The following MRM3 variants were observed in gnomAD, a reference collection of about 807,000 sequenced individuals.
MRM3 encodes the protein mitochondrial rRNA methyltransferase 3, also known as rRNA methyltransferase 3, mitochondrial.
Under a neutral mutation model 29.4 loss-of-function variants are expected in MRM3, and 26 were observed. The ratio of observed to expected loss-of-function variants is 0.89; its 90% CI spans 0.65 to 1.23. MRM3 has a LOEUF of 1.23. Among genes scored for constraint, MRM3 ranks in the 50% most tolerant of loss-of-function variants. MRM3 has a pLI of 0.00. For missense variants in MRM3, 578 were observed against 540.2 expected (o/e 1.07, Z -0.69); for synonymous variants, 225 against 219.0 (o/e 1.03, Z -0.24).
intron 2 of MRM3, among the ~76,000 whole-genome samples, chr17:784,262 G>T (rs1910430584): frequency 6.6e-6 from 1 of 152,328 alleles, no homozygotes; most frequent in African/African-American, 2.4e-5. Context: ...ACCATCTCTT[G>T]TCTCTGTAAC....
intron 3 of MRM3, 88 bp from the exon 4 acceptor site, chr17:791,446 C>T (rs1910813747): frequency 1.5e-6 from 2 of 1,373,746 alleles, no homozygotes; most frequent in East Asian, 2.4e-5. Context: ...TGGTTTATCT[C>T]CTGATCCAAA....
At chr17:785,522 T>C (rs1277395425) in intron 2 of MRM3, among the ~76,000 whole-genome samples, 1 of 152,214 alleles carries the variant, frequency 6.6e-6, no homozygotes, top group Non-Finnish European at 1.5e-5. Context: ...AGACCCCATT[T>C]TACTCCTTTG....
At position 789,338 on chromosome 17, in the gene MRM3, T is replaced by C. The variant is rs1167626432; in HGVS notation, c.727+1206T>C. On this transcript the variant is annotated intron_variant, in intron 3 of 3. Transcript: ENST00000304478. ...GAATGACGTCAGCAGCTCTGAATCC[T>C]AATGTCATTGTGATCCGTTTCCCTT... Among the ~76,000 whole-genome samples, 3 of 152,232 alleles carry C rather than the reference T, an allele frequency of 2.0e-5. No individual in the cohort carries two copies. In the East Asian group the frequency reaches 5.8e-4, roughly 29 times the overall value.
chr17:786,423 G>A (rs954925888), intron 2 of MRM3, among the ~76,000 whole-genome samples: 1 of 152,120 alleles, frequency 6.6e-6, no homozygotes, highest in African/African-American at 2.4e-5. Flanking sequence ...ACAGGCGCCC[G>A]TCACCACGCC....
At position 791,524 on chromosome 17, in the gene MRM3, T is replaced by C. The variant is rs529368042; in HGVS notation, c.728-10T>C. On this transcript the variant is annotated splice_polypyrimidine_tract_variant and intron_variant, in intron 3 of 3. Coordinates refer to ENST00000304478, the MANE Select transcript of MRM3 (RefSeq NM_018146.4). ...TGTAACATCTTGATTGTTTCCTTTT[T>C]ATTTTCCAGGCTGTGTGGATGCCTG... 1 of 1,608,772 alleles carries C rather than the reference T, an allele frequency of 6.2e-7. No individual in the cohort carries two copies. Among genetic ancestry groups the C allele is most frequent in the African/African-American group, 1.3e-5 (1 of 74,762 alleles).
rs200396566 is a variant in MRM3, at chr17:791,727, G to T, written c.921G>T (p.Trp307Cys). The change falls in exon 4 of 4, where the codon TGG (tryptophan) becomes TGT (cysteine). Residue 307 changes from tryptophan (W) to cysteine (C), a missense_variant. Trp to Cys is a radical substitution (Grantham distance 215). Coordinates refer to ENST00000304478, the MANE Select transcript of MRM3 (RefSeq NM_018146.4). ...EMSNKASDHG[W>C]VCDQRVMKFH... ...CTAATAAAGCTAGTGACCATGGCTG[G>T]GTGTGTGATCAACGAGTGATGAAGT... is the stretch of plus-strand genomic sequence containing the variant. 107 of 1,614,090 alleles carry T rather than the reference G, an allele frequency of 6.6e-5. No homozygotes were observed. Among genetic ancestry groups the T allele is most frequent in the Non-Finnish European group, 8.5e-5 (100 of 1,180,050 alleles).
At position 788,035 on chromosome 17, in the gene MRM3, A is replaced by C; in HGVS notation, c.630A>C (p.Leu210Phe). 1 of 1,614,170 alleles carries C rather than the reference A, an allele frequency of 6.2e-7. No homozygotes were observed. Among genetic ancestry groups the C allele is most frequent in the Non-Finnish European group, 8.5e-7 (1 of 1,180,008 alleles). The change falls in exon 3 of 4, where the codon TTA becomes TTC. Residue 210 changes from leucine (L) to phenylalanine (F), a missense_variant. Leu to Phe is a conservative substitution (Grantham distance 22). Transcript: ENST00000304478. ...PKTQLQHSLPLLLICDNLRDP... is the reference protein window; with the variant it reads ...PKTQLQHSLPFLLICDNLRDP... ...CTCAGCTTCAGCATTCACTGCCTTT[A>C]TTATTGATTTGTGACAATCTCCGTG... is the stretch of plus-strand genomic sequence containing the variant.
intron 2 of MRM3, among the ~76,000 whole-genome samples, chr17:786,094 GGTTTT>G (rs896960823): frequency 4.6e-5 from 7 of 152,250 alleles, no homozygotes; most frequent in South Asian, 2.1e-4. Flanking sequence ...CTGGAAAACA[GGTTTT>G]GTTTTGTTTT....
Position 792,357 on chromosome 17 carries a change from A to G in MRM3, c.*288A>G. 1 of 323,188 alleles carries G rather than the reference A, an allele frequency of 3.1e-6. No individual in the cohort carries two copies. Among genetic ancestry groups the G allele is most frequent in the Non-Finnish European group, 5.7e-6 (1 of 175,418 alleles). 20.0% of individuals were successfully genotyped at this position (323,188 alleles called of 1,614,324 possible). Reference sequence around the variant, plus strand: ...CACCAAGAAGCACTTTGTGCCCAGAAAGTTCCTGAAGCATCATCCTGGCAG... The same window carrying G: ...CACCAAGAAGCACTTTGTGCCCAGAGAGTTCCTGAAGCATCATCCTGGCAG... On this transcript the variant is annotated 3_prime_UTR_variant, in exon 4 of 4. Coordinates refer to ENST00000304478, the MANE Select transcript of MRM3 (RefSeq NM_018146.4).
intron 1 of MRM3, 57 bp from the exon 2 acceptor site, chr17:783,026 T>G (rs538886061): frequency 5.8e-6 from 9 of 1,554,010 alleles, no homozygotes; most frequent in Non-Finnish European, 7.8e-6. Context: ...ACTAAGCGTG[T>G]CTCAGTAACA....
chr17:791,478 G>T, intron 3 of MRM3, 56 bp from the exon 4 acceptor site: 1 of 1,552,164 alleles, frequency 6.4e-7, no homozygotes, highest in Non-Finnish European at 8.7e-7. Flanking sequence ...TTACTCCACA[G>T]TCCCCTGGTC....
At chr17:783,600 G>C in intron 2 of MRM3, 1 of 310,232 alleles carries the variant, frequency 3.2e-6, no homozygotes, top group Non-Finnish European at 6.3e-6. Context: ...GCCTCCCAAA[G>C]TGCTGGGATT....
In MRM3 at chr17:792,163, C is replaced by T; in HGVS notation, c.*94C>T. On this transcript the variant is annotated 3_prime_UTR_variant, in exon 4 of 4. Coordinates refer to ENST00000304478, the MANE Select transcript of MRM3 (RefSeq NM_018146.4). ...TGGCGGAGTCAGTGACTATGGCCCC[C>T]ACGTTCAGGAGGAAGGTGTGATGCC... 7.8e-7 allele frequency: 1 copy of T among 1,278,874 alleles called. No individual in the cohort carries two copies. The highest frequency in any genetic ancestry group is 1.1e-6 in the Non-Finnish European group (1 of 924,618). 79.2% of individuals were successfully genotyped at this position (1,278,874 alleles called of 1,614,324 possible).
chr17:792,383 G>T lies in MRM3; in HGVS notation c.*314G>T. ...AGTTCCTGAAGCATCATCCTGGCAG[G>T]GAGGCGCCTGCTCCACCAGCTGGTG... On this transcript the variant is annotated 3_prime_UTR_variant, in exon 4 of 4. Coordinates refer to ENST00000304478, the MANE Select transcript of MRM3 (RefSeq NM_018146.4). 1 of 287,170 alleles carries T rather than the reference G, an allele frequency of 3.5e-6. No individual in the cohort carries two copies. Among genetic ancestry groups the T allele is most frequent in the Non-Finnish European group, 6.5e-6 (1 of 153,002 alleles). 17.8% of individuals were successfully genotyped at this position (287,170 alleles called of 1,614,324 possible). A position where few individuals can be genotyped will look rare whatever the true frequency, so the allele number is the denominator to read the frequency against.
rs1408484428 is a variant in MRM3 at position 788,040 on chromosome 17, T to G, written c.635T>G (p.Leu212Trp). The G allele has an allele frequency of 6.2e-7, 1 of 1,614,064 alleles. No homozygotes were observed. The highest frequency in any genetic ancestry group is 8.5e-7 in the Non-Finnish European group (1 of 1,180,014). The change falls in exon 3 of 4, where the codon TTG becomes TGG. Residue 212 changes from leucine (L) to tryptophan (W), a missense_variant. By Grantham distance (61) the Leu-to-Trp change is moderately conservative. Coordinates refer to ENST00000304478, the MANE Select transcript of MRM3 (RefSeq NM_018146.4). ...TQLQHSLPLL[L>W]ICDNLRDPGN... ...CTTCAGCATTCACTGCCTTTATTATTGATTTGTGACAATCTCCGTGACCCT... is the reference window on the plus strand; with the variant it reads ...CTTCAGCATTCACTGCCTTTATTATGGATTTGTGACAATCTCCGTGACCCT...
chr17:783,068 T>C lies in MRM3; in HGVS notation c.315-15T>C. 6.4e-7 allele frequency: 1 copy of C among 1,560,480 alleles called. No individual in the cohort carries two copies. The highest frequency in any genetic ancestry group is 8.7e-7 in the Non-Finnish European group (1 of 1,153,236). On this transcript the variant is annotated splice_polypyrimidine_tract_variant and intron_variant, in intron 1 of 3. Coordinates refer to ENST00000304478, the MANE Select transcript of MRM3 (RefSeq NM_018146.4). ...TTGATAGTTACCTGTTTTTTTTTTTTATTTCCATCTACAGCAGTGTAATGA... is the reference window on the plus strand; with the variant it reads ...TTGATAGTTACCTGTTTTTTTTTTTCATTTCCATCTACAGCAGTGTAATGA...
At chr17:791,084 T>C (rs998689851) in intron 3 of MRM3, among the ~76,000 whole-genome samples, 5 of 152,202 alleles carry the variant, frequency 3.3e-5, no homozygotes, top group Non-Finnish European at 4.4e-5. Flanking sequence ...CCTAGCTCTG[T>C]CCTCTGCCTG....
intron 2 of MRM3, among the ~76,000 whole-genome samples, chr17:785,829 A>C (rs564628399): frequency 1.3e-5 from 2 of 152,360 alleles, no homozygotes; most frequent in African/African-American, 4.8e-5. Flanking sequence ...CAGGCTAATA[A>C]TTGTTTTTTA....
chr17:783,399 C>G lies in MRM3; in HGVS notation c.559+72C>G, dbSNP rs1333364698. ...TCACCCAGGCTGGAGTGCAATGGCG[C>G]GATCTCGGCCCACTGCAACCTCCGC... On this transcript the variant is annotated intron_variant, in intron 2 of 3. Coordinates refer to ENST00000304478, the MANE Select transcript of MRM3 (RefSeq NM_018146.4). The G allele has an allele frequency of 7.0e-6, 10 of 1,436,974 alleles. No homozygotes were observed. In the Admixed American group the frequency reaches 1.5e-4, roughly 21 times the overall value. 89.0% of individuals were successfully genotyped at this position (1,436,974 alleles called of 1,614,324 possible).
Sources: gnomAD v4.1 joint callset for allele counts (sites outside exome capture counted in the v4.1 genomes callset) on GRCh38, gnomAD v4.1.1 for gene constraint, MANE v1.5 for transcripts, NCBI Gene and HGNC (gene_info 2026-07-23, HGNC 2026-07-21) for gene names.